Variants in JMJD1C observed in about 807,000 individuals in gnomAD.
The protein encoded by JMJD1C is jumonji domain-containing protein 1C.
JMJD1C carries 31 observed loss-of-function variants against 245.3 expected under a neutral mutation model. That is an observed-to-expected ratio of 0.13 (90% confidence interval 0.09 to 0.17). The LOEUF (loss-of-function observed/expected upper bound fraction) is 0.17. JMJD1C is among the 10% of genes least tolerant of loss of function. The pLI, the probability that JMJD1C is intolerant of heterozygous loss-of-function variation, is 1.00. For missense variants in JMJD1C, 2,691 were observed against 3,000.2 expected (o/e 0.90, Z 2.41); for synonymous variants, 1,057 against 1,017.4 (o/e 1.04, Z -0.74).
At chr10:63,407,306 T>C (rs1215055449) in intron 1 of JMJD1C, among the ~76,000 whole-genome samples, 1 of 152,212 alleles carries the variant, frequency 6.6e-6, no homozygotes, top group African/African-American at 2.4e-5. Context: ...AGATTACCAT[T>C]GAAACAGAAG....
intron 2 of JMJD1C, among the ~76,000 whole-genome samples, chr10:63,299,788 A>G (rs916288554): frequency 2.0e-5 from 3 of 152,054 alleles, no homozygotes; most frequent in Non-Finnish European, 2.9e-5. Flanking sequence ...CTTGTGTTCA[A>G]ATTCATCTCT....
At chr10:63,230,217 C>T (rs1004245249) in intron 3 of JMJD1C, among the ~76,000 whole-genome samples, 2 of 152,118 alleles carry the variant, frequency 1.3e-5, no homozygotes, top group Admixed American at 6.6e-5. Flanking sequence ...ATTACAAATA[C>T]AAGAATTAGT....
intron 2 of JMJD1C, among the ~76,000 whole-genome samples, chr10:63,366,364 C>T (rs1028604748): frequency 3.3e-5 from 5 of 152,154 alleles, no homozygotes; most frequent in African/African-American, 1.2e-4. Flanking sequence ...TACATTTGGA[C>T]TCCTCCTGGA....
chr10:63,215,210 T>C, intron 7 of JMJD1C, 53 bp downstream of exon 7: 1 of 1,532,054 alleles, frequency 6.5e-7, no homozygotes, highest in Non-Finnish European at 8.9e-7. Flanking sequence ...TATTTTAAAA[T>C]GTATTTTTGT....
chr10:63,484,187 G>GGGATGGATGGATGGAT (rs375305760), intron 1 of JMJD1C, among the ~76,000 whole-genome samples: 99 of 144,926 alleles, frequency 6.8e-4, no homozygotes, highest in African/African-American at 1.9e-3. Context: ...CCAGCACCTT[G>GGGATGGATGGATGGAT]GGATGGATGG....
chr10:63,352,380 G>A (rs553599218), intron 2 of JMJD1C, among the ~76,000 whole-genome samples: 1 of 152,204 alleles, frequency 6.6e-6, no homozygotes, highest in Non-Finnish European at 1.5e-5. Flanking sequence ...GCTCACGCCT[G>A]TAATCTCACC....
At position 63,170,468 on chromosome 10, in the gene JMJD1C, G is replaced by A. The variant is rs187556437; in HGVS notation, c.7402-1902C>T. On this transcript the variant is annotated intron_variant, in intron 24 of 25. Transcript: ENST00000399262. Reference sequence around the variant, plus strand: ...ACTTTTCCAAACTGTTTTTGCAAAGGCAGTATTCCTTGTTGGGTGTGGTCA... The same window carrying A: ...ACTTTTCCAAACTGTTTTTGCAAAGACAGTATTCCTTGTTGGGTGTGGTCA... 9.5e-4 allele frequency among the ~76,000 whole-genome samples: 145 copies of A among 152,290 alleles called. 1 individual carries two copies. The highest frequency in any genetic ancestry group is 2.8e-4 in the Non-Finnish European group (19 of 68,018).
At chr10:63,328,133 G>C (rs1941739253) in intron 2 of JMJD1C, among the ~76,000 whole-genome samples, 1 of 152,074 alleles carries the variant, frequency 6.6e-6, no homozygotes, top group African/African-American at 2.4e-5. Flanking sequence ...AAATTAGCCA[G>C]GCATGGTGGC....
intron 13 of JMJD1C, among the ~76,000 whole-genome samples, chr10:63,196,947 C>G (rs919175636): frequency 6.6e-6 from 1 of 152,024 alleles, no homozygotes; most frequent in African/African-American, 2.4e-5. Context: ...CAGGAACACA[C>G]CACCATGCGC....
chr10:63,215,507 T>TA, intron 6 of JMJD1C, 46 bp downstream of exon 6: 2 of 1,608,558 alleles, frequency 1.2e-6, no homozygotes, highest in Non-Finnish European at 1.7e-6. Context: ...TCTACTAGCC[T>TA]AAGGAAAAAT....
chr10:63,463,685 T>C (rs1348211207), intron 1 of JMJD1C, among the ~76,000 whole-genome samples: 2 of 152,204 alleles, frequency 1.3e-5, no homozygotes, highest in Non-Finnish European at 2.9e-5. Context: ...AGGGTTCACA[T>C]AGGTATGGTT....
At chr10:63,179,423 A>C (rs1437828087) in intron 22 of JMJD1C, among the ~76,000 whole-genome samples, 2 of 151,722 alleles carry the variant, frequency 1.3e-5, no homozygotes, top group Non-Finnish European at 2.9e-5. Context: ...AAAAAAAAGA[A>C]AAAAGAAAAA....
intron 1 of JMJD1C, among the ~76,000 whole-genome samples, chr10:63,520,831 A>G (rs1955193510): frequency 6.6e-6 from 1 of 152,192 alleles, no homozygotes; most frequent in African/African-American, 2.4e-5. Flanking sequence ...CCCTCCCTGC[A>G]TTGCACCACG....
At chr10:63,180,115 C>T (rs1269550100) in intron 22 of JMJD1C, among the ~76,000 whole-genome samples, 2 of 152,196 alleles carry the variant, frequency 1.3e-5, no homozygotes, top group African/African-American at 2.4e-5. Flanking sequence ...TCAAGCGATT[C>T]TCCTGTCTCA....
At position 63,421,791 on chromosome 10, in the gene JMJD1C, T is replaced by C. The variant is rs148203267; in HGVS notation, c.169-41309A>G. Among the ~76,000 whole-genome samples the C allele has an allele frequency of 7.0e-3, 1,070 of 152,268 alleles. 14 individuals are homozygous for C. Among genetic ancestry groups the C allele is most frequent in the African/African-American group, 0.023 (971 of 41,550 alleles). On this transcript the variant is annotated intron_variant, in intron 1 of 25. Transcript: ENST00000399262. ...CACTTCCTCTTTGCTTCTCTTACCC[T>C]GTCATACACAAGAGAAGGCCATGTG... is the stretch of plus-strand genomic sequence containing the variant.
chr10:63,300,450 A>G (rs917053067), intron 2 of JMJD1C, among the ~76,000 whole-genome samples: 1 of 152,214 alleles, frequency 6.6e-6, no homozygotes, highest in Non-Finnish European at 1.5e-5. Context: ...GAGCTTGAAA[A>G]AAGAAAAATG....
rs114177964 is a variant in JMJD1C, at chr10:63,394,058, G to A, written c.169-13576C>T. Among the ~76,000 whole-genome samples, 625 of 151,998 alleles carry A rather than the reference G, an allele frequency of 4.1e-3. 9 individuals carry two copies. The highest frequency in any genetic ancestry group is 0.035 in the East Asian group (182 of 5,152). ...AAATTAGCAGGGACTGGTAGTGTGC[G>A]CACCTGCAGTCCCAGCTACTCAGGA... On this transcript the variant is annotated intron_variant, in intron 1 of 25. Transcript: ENST00000399262.
intron 1 of JMJD1C, among the ~76,000 whole-genome samples, chr10:63,396,934 T>C (rs867103021): frequency 6.6e-6 from 1 of 150,544 alleles, no homozygotes; most frequent in Non-Finnish European, 1.5e-5. Flanking sequence ...TTTTGGTTTT[T>C]TTTTTTTTTT....
At chr10:63,392,867 A>AACACACACACACACACACACACACACAC (rs34778084) in intron 1 of JMJD1C, among the ~76,000 whole-genome samples, 3 of 112,262 alleles carry the variant, frequency 2.7e-5, no homozygotes, top group Non-Finnish European at 3.5e-5. Flanking sequence ...AAAGTACATA[A>AACACACACACACACACACACACACACAC]ACACACACAC....
Sources: allele counts gnomAD v4.1 joint callset (sites outside exome capture counted in the v4.1 genomes callset), GRCh38; gene constraint gnomAD v4.1.1; transcripts MANE v1.5; gene names NCBI Gene and HGNC (gene_info 2026-07-23, HGNC 2026-07-21).